The following SLCO5A1 variants were observed in gnomAD, a reference collection of about 807,000 sequenced individuals.
SLCO5A1 encodes solute carrier organic anion transporter family member 5A1.
In SLCO5A1, 39 loss-of-function variants were observed where a neutral mutation model predicts 65.1. That is an observed-to-expected ratio of 0.60 (90% confidence interval 0.46 to 0.78). SLCO5A1 has a LOEUF of 0.78. Ranked by LOEUF, SLCO5A1 falls within the 30% of genes least tolerant of loss-of-function variation. The pLI, the probability that SLCO5A1 is intolerant of heterozygous loss-of-function variation, is 0.00. For synonymous variants in SLCO5A1, 438 were observed against 415.7 expected (o/e 1.05, Z -0.65); for missense variants, 1,029 against 1,069.4 (o/e 0.96, Z 0.53).
chr8:69,767,220 G>A (rs1478398010), intron 2 of SLCO5A1, among the ~76,000 whole-genome samples: 3 of 152,146 alleles, frequency 2.0e-5, no homozygotes, highest in Non-Finnish European at 4.4e-5. Flanking sequence ...GCAATGGAGT[G>A]CCCACTCCCC....
chr8:69,740,239 G>C (rs371900757), intron 4 of SLCO5A1, among the ~76,000 whole-genome samples: 1 of 152,190 alleles, frequency 6.6e-6, no homozygotes, highest in Non-Finnish European at 1.5e-5. Context: ...TCAGCCTACA[G>C]CCCTCCAGGA....
At chr8:69,802,438 C>T (rs1365203945) in intron 2 of SLCO5A1, among the ~76,000 whole-genome samples, 1 of 150,598 alleles carries the variant, frequency 6.6e-6, no homozygotes, top group Non-Finnish European at 1.5e-5. Flanking sequence ...CCCCGGAAGT[C>T]AAGGCTGCAG....
chr8:69,826,220 G>A (rs912326091), intron 2 of SLCO5A1, among the ~76,000 whole-genome samples: 1 of 151,858 alleles, frequency 6.6e-6, no homozygotes, highest in Non-Finnish European at 1.5e-5. Flanking sequence ...ATAGGCATGG[G>A]CAAGGACTTC....
At chr8:69,734,584 AG>A (rs1444038473) in intron 5 of SLCO5A1, among the ~76,000 whole-genome samples, 5 of 152,240 alleles carry the variant, frequency 3.3e-5, no homozygotes, top group African/African-American at 9.6e-5. Context: ...GCCACACACC[AG>A]GCACAGTGCT....
At chr8:69,770,877 G>A (rs967270008) in intron 2 of SLCO5A1, among the ~76,000 whole-genome samples, 2 of 152,092 alleles carry the variant, frequency 1.3e-5, no homozygotes, top group Non-Finnish European at 2.9e-5. Context: ...TGACATTAAA[G>A]CACATTAACT....
At chr8:69,808,277 T>C (rs907036719) in intron 2 of SLCO5A1, among the ~76,000 whole-genome samples, 1 of 152,096 alleles carries the variant, frequency 6.6e-6, no homozygotes, top group African/African-American at 2.4e-5. Context: ...ACCCAGGTAT[T>C]AAGCCTAGTA....
rs1203217205 is a variant in SLCO5A1 at position 69,671,815 on chromosome 8, T to C, written c.*1054A>G. Reference sequence around the variant, plus strand: ...CCTCCTCCTGTATTCTAAGTGATTTTCATATCCCAGGCACAGATTTCCTGA... The same window carrying C: ...CCTCCTCCTGTATTCTAAGTGATTTCCATATCCCAGGCACAGATTTCCTGA... On this transcript the variant is annotated 3_prime_UTR_variant, in exon 10 of 10. Transcript: ENST00000260126. 1 of 152,212 alleles carries C rather than the reference T, an allele frequency of 6.6e-6. No homozygotes were observed. Among genetic ancestry groups the C allele is most frequent in the African/African-American group, 2.4e-5 (1 of 41,458 alleles). 9.4% of individuals were successfully genotyped at this position (152,212 alleles called of 1,614,324 possible).
In SLCO5A1 at chr8:69,755,488, T is replaced by C. The variant is rs1453256265; in HGVS notation, c.1194A>G (p.Lys398=). 2.5e-6 allele frequency: 4 copies of C among 1,614,002 alleles called. No homozygotes were observed. Among genetic ancestry groups the C allele is most frequent in the Non-Finnish European group, 3.4e-6 (4 of 1,180,008 alleles). Reference sequence around the variant, plus strand: ...TGTCCGCTTGTTCACTGTTGTTTGATTTCTCCTTCAGAACATCGTCATCAC... The same window carrying C: ...TGTCCGCTTGTTCACTGTTGTTTGACTTCTCCTTCAGAACATCGTCATCAC... The part of the protein sequence containing the change: ...AVSDDDVLKE[K]SNNSEQADKK... The change falls in exon 4 of 10, where the codon AAA becomes AAG. Residue 398 remains lysine, a synonymous_variant. Coordinates refer to ENST00000260126, the MANE Select transcript of SLCO5A1 (RefSeq NM_030958.3).
chr8:69,825,986 A>G (rs536669806), intron 2 of SLCO5A1, among the ~76,000 whole-genome samples: 124 of 152,362 alleles, frequency 8.1e-4, no homozygotes, highest in African/African-American at 3.0e-3. Flanking sequence ...CATATCTACA[A>G]CTATCTGATC....
chr8:69,695,860 T>A (rs1310566839), intron 6 of SLCO5A1, among the ~76,000 whole-genome samples: 2 of 152,202 alleles, frequency 1.3e-5, no homozygotes, highest in Admixed American at 6.5e-5. Context: ...ACTTCACCTG[T>A]AACTAATATG....
At chr8:69,757,932 T>C (rs1563705109) in intron 3 of SLCO5A1, among the ~76,000 whole-genome samples, 1 of 152,182 alleles carries the variant, frequency 6.6e-6, no homozygotes, top group Non-Finnish European at 1.5e-5. Flanking sequence ...ACTCATGGGC[T>C]GTGGCTTCAG....
At chr8:69,701,320 C>T (rs1814726786) in intron 6 of SLCO5A1, among the ~76,000 whole-genome samples, 1 of 152,208 alleles carries the variant, frequency 6.6e-6, no homozygotes, top group Non-Finnish European at 1.5e-5. Context: ...CCCCAACCAA[C>T]TCAATGGACT....
intron 6 of SLCO5A1, chr8:69,704,789 C>T (rs1814895764): frequency 2.0e-6 from 1 of 501,948 alleles, no homozygotes; most frequent in Non-Finnish European, 3.5e-6. Flanking sequence ...TCATCCTCAT[C>T]TGATGTAATT....
intron 6 of SLCO5A1, among the ~76,000 whole-genome samples, chr8:69,699,608 G>A (rs34001558): frequency 6.6e-6 from 1 of 152,122 alleles, no homozygotes; most frequent in East Asian, 1.9e-4. Flanking sequence ...TCAATACCAT[G>A]AGCAAGCTAA....
At chr8:69,721,968 T>G (rs1436654314) in intron 5 of SLCO5A1, among the ~76,000 whole-genome samples, 1 of 152,132 alleles carries the variant, frequency 6.6e-6, no homozygotes, top group Non-Finnish European at 1.5e-5. Context: ...GGTCAGGAGT[T>G]GAAGACCAGC....
chr8:69,741,809 T>C (rs1450797538), intron 4 of SLCO5A1, among the ~76,000 whole-genome samples: 1 of 152,192 alleles, frequency 6.6e-6, no homozygotes, highest in Non-Finnish European at 1.5e-5. Flanking sequence ...ATATACAAAG[T>C]TACTTGCTTG....
At chr8:69,721,584 A>C (rs1815816633) in intron 5 of SLCO5A1, among the ~76,000 whole-genome samples, 1 of 152,080 alleles carries the variant, frequency 6.6e-6, no homozygotes. Flanking sequence ...TTAAATTACA[A>C]ATGTTTGTTA....
chr8:69,800,424 G>A (rs1819684378), intron 2 of SLCO5A1, among the ~76,000 whole-genome samples: 1 of 151,548 alleles, frequency 6.6e-6, no homozygotes, highest in African/African-American at 2.4e-5. Flanking sequence ...GCTTATACCA[G>A]TTTGAACAGA....
In SLCO5A1 at chr8:69,755,599, C is replaced by T; in HGVS notation, c.1083G>A (p.Val361=). The change falls in exon 4 of 10, where the codon GTG becomes GTA. Residue 361 remains valine, a synonymous_variant. Coordinates refer to ENST00000260126, the MANE Select transcript of SLCO5A1 (RefSeq NM_030958.3). ...FLLCAIAMFL[V]IFPMFTFPKK... ...TTGGGAAAGTAAACATTGGGAATATCACAAGAAACATTGCAATGGCACAAA... is the reference window on the plus strand; with the variant it reads ...TTGGGAAAGTAAACATTGGGAATATTACAAGAAACATTGCAATGGCACAAA... 6.2e-7 allele frequency: 1 copy of T among 1,613,868 alleles called. No homozygotes were observed. Among genetic ancestry groups the T allele is most frequent in the Non-Finnish European group, 8.5e-7 (1 of 1,179,942 alleles).
Sources: allele counts gnomAD v4.1 joint callset (sites outside exome capture counted in the v4.1 genomes callset), GRCh38; gene constraint gnomAD v4.1.1; transcripts MANE v1.5; gene names NCBI Gene and HGNC (gene_info 2026-07-23, HGNC 2026-07-21).